Variants in DDX10 observed in about 807,000 individuals in gnomAD.
DDX10 encodes probable ATP-dependent RNA helicase DDX10.
A neutral mutation model predicts 104.3 loss-of-function variants in DDX10; 74 were observed. That is an observed-to-expected ratio of 0.71 (90% CI 0.59 to 0.86). The LOEUF is 0.86. Among genes scored for constraint, DDX10 ranks in the 40% least tolerant of loss-of-function variants. The pLI is 0.00. For synonymous variants in DDX10, 351 were observed against 353.4 expected (o/e 0.99, Z 0.08); for missense variants, 952 against 1,040.0 (o/e 0.92, Z 1.16).
chr11:108,699,794 T>TA (rs1173813204), intron 9 of DDX10, among the ~76,000 whole-genome samples: 3 of 152,132 alleles, frequency 2.0e-5, no homozygotes, highest in Admixed American at 2.0e-4. Context: ...ATTTCAAGGA[T>TA]AAAAACAATC....
rs577909627 is a variant in DDX10 at position 108,909,483 on chromosome 11, C to T, written c.2305-8390C>T. ...GCCCCTTCCCTTGTCCTGTGCCCTA[C>T]TCCCGCCCCTTCCCTTGTCCTGTGC... is the stretch of plus-strand genomic sequence containing the variant. On this transcript the variant is annotated intron_variant, in intron 16 of 17. Coordinates refer to ENST00000322536, the MANE Select transcript of DDX10 (RefSeq NM_004398.4). Among the ~76,000 whole-genome samples the T allele has an allele frequency of 1.1e-4, 17 of 151,388 alleles. No individual in the cohort carries two copies. In the South Asian group the frequency reaches 3.4e-3, roughly 30 times the overall value.
intron 16 of DDX10, among the ~76,000 whole-genome samples, chr11:108,882,662 A>C (rs556002128): frequency 2.6e-5 from 4 of 152,146 alleles, no homozygotes; most frequent in African/African-American, 7.2e-5. Flanking sequence ...AAATTTATTT[A>C]TTTTCATTGA....
chr11:108,791,133 C>T (rs1393793153), intron 13 of DDX10, among the ~76,000 whole-genome samples: 1 of 152,220 alleles, frequency 6.6e-6, no homozygotes, highest in Non-Finnish European at 1.5e-5. Flanking sequence ...TAAAAAGTGT[C>T]TTGGCTTCTG....
At chr11:108,917,500 C>A (rs561034881) in intron 16 of DDX10, among the ~76,000 whole-genome samples, 76 of 152,234 alleles carry the variant, frequency 5.0e-4, no homozygotes, top group Admixed American at 3.5e-3. Flanking sequence ...CTCCTGGGCT[C>A]AAGCAATTCC....
intron 13 of DDX10, among the ~76,000 whole-genome samples, chr11:108,821,122 AAAG>A (rs1862320696): frequency 6.6e-6 from 1 of 152,202 alleles, no homozygotes; most frequent in Non-Finnish European, 1.5e-5. Flanking sequence ...GGATGAAGTA[AAAG>A]AAGATTTTAA....
intron 13 of DDX10, among the ~76,000 whole-genome samples, chr11:108,824,582 T>G (rs1242460294): frequency 6.6e-6 from 1 of 152,204 alleles, no homozygotes; most frequent in African/African-American, 2.4e-5. Flanking sequence ...AAATCAATAC[T>G]GTCATTTTTT....
In DDX10 at chr11:108,801,289, A is replaced by G. The variant is rs528250370; in HGVS notation, c.1966-37157A>G. ...TGTGACGAGAAATGACAGGTTTGAT[A>G]TTTTGTAAACTGCCATAGAATCAGC... On this transcript the variant is annotated intron_variant, in intron 13 of 17. Coordinates refer to ENST00000322536, the MANE Select transcript of DDX10 (RefSeq NM_004398.4). 7.2e-5 allele frequency among the ~76,000 whole-genome samples: 11 copies of G among 152,328 alleles called. No individual in the cohort carries two copies. In the South Asian group the frequency reaches 2.3e-3, roughly 32 times the overall value.
chr11:108,794,942 C>T (rs781544875), intron 13 of DDX10, among the ~76,000 whole-genome samples: 5 of 151,780 alleles, frequency 3.3e-5, no homozygotes, highest in South Asian at 2.1e-4. Context: ...ATTCTCCTGC[C>T]TTAGCCTCCC....
In DDX10 at chr11:108,916,733, T is replaced by G. The variant is rs558904922; in HGVS notation, c.2305-1140T>G. Among the ~76,000 whole-genome samples the G allele has an allele frequency of 6.4e-4, 97 of 152,326 alleles. 2 individuals are homozygous for G. The South Asian group carries it at 0.02, about 31-fold the overall frequency. On this transcript the variant is annotated intron_variant, in intron 16 of 17. Transcript: ENST00000322536. ...TTAAATGCATGTGCCACTGCTTGTT[T>G]CGGTTTATCTGGTAGTTGACAAAAC...
chr11:108,937,636 C>T (rs1335454038), intron 17 of DDX10, among the ~76,000 whole-genome samples: 1 of 152,186 alleles, frequency 6.6e-6, no homozygotes, highest in African/African-American at 2.4e-5. Context: ...ATTTCCCTGT[C>T]ATCATCTGTT....
intron 16 of DDX10, among the ~76,000 whole-genome samples, chr11:108,898,158 C>G (rs1167180925): frequency 1.3e-5 from 2 of 152,118 alleles, no homozygotes; most frequent in African/African-American, 4.8e-5. Context: ...ATCACAGACC[C>G]ATTAATCCAT....
At chr11:108,776,253 C>G (rs984427881) in intron 13 of DDX10, among the ~76,000 whole-genome samples, 1 of 152,168 alleles carries the variant, frequency 6.6e-6, no homozygotes, top group Non-Finnish European at 1.5e-5. Context: ...TCTGTTCTTT[C>G]TTCGAACTGT....
chr11:108,692,107 T>C (rs531615501), intron 8 of DDX10, 69 bp downstream of exon 8: 1 of 1,410,938 alleles, frequency 7.1e-7, no homozygotes, highest in African/African-American at 1.4e-5. Flanking sequence ...AAGTATATTT[T>C]GGGAAATCTG....
At chr11:108,873,352 A>G (rs1863107457) in intron 16 of DDX10, among the ~76,000 whole-genome samples, 1 of 152,154 alleles carries the variant, frequency 6.6e-6, no homozygotes, top group South Asian at 2.1e-4. Context: ...CTTGGGAACA[A>G]AAGTTACAAT....
At chr11:108,785,156 G>A (rs1466911867) in intron 13 of DDX10, among the ~76,000 whole-genome samples, 2 of 151,964 alleles carry the variant, frequency 1.3e-5, no homozygotes, top group Non-Finnish European at 2.9e-5. Context: ...TTATCAAAAG[G>A]TAAATTTTCT....
At chr11:108,666,405 G>C (rs192332894) in intron 1 of DDX10, among the ~76,000 whole-genome samples, 1 of 152,242 alleles carries the variant, frequency 6.6e-6, no homozygotes, top group Non-Finnish European at 1.5e-5. Context: ...GCTTGAACCC[G>C]GGAGGCAGAG....
In DDX10 at chr11:108,715,898, A is replaced by G; in HGVS notation, c.1342A>G (p.Ile448Val). 3 of 1,538,132 alleles carry G rather than the reference A, an allele frequency of 2.0e-6. No individual in the cohort carries two copies. The highest frequency in any genetic ancestry group is 2.3e-5 in the East Asian group (1 of 44,414). The change falls in exon 11 of 18, where the codon ATA (isoleucine) becomes GTA (valine). Residue 448 changes from isoleucine (I) to valine (V), a missense_variant. Ile to Val is a conservative substitution (Grantham distance 29, BLOSUM62 3). Transcript: ENST00000322536. ...KEIKINPEKL[I>V]DVQKKLESIL... ...ACAAAGAATCAATCCAGAAAAACTT[A>G]TAGATGTCCAGAAAAAATTGGAATC...
chr11:108,902,540 T>C (rs887756137), intron 16 of DDX10, among the ~76,000 whole-genome samples: 2 of 152,230 alleles, frequency 1.3e-5, no homozygotes, highest in East Asian at 1.9e-4. Flanking sequence ...GTAATGGGAA[T>C]ATTAACACTT....
At chr11:108,717,395 C>T (rs1235795226) in intron 11 of DDX10, among the ~76,000 whole-genome samples, 4 of 152,158 alleles carry the variant, frequency 2.6e-5, no homozygotes, top group East Asian at 1.9e-4. Context: ...TCGCAACCTC[C>T]GCCTCCCGGG....
Sources: gnomAD v4.1 joint callset for allele counts (sites outside exome capture counted in the v4.1 genomes callset) on GRCh38, gnomAD v4.1.1 for gene constraint, MANE v1.5 for transcripts, NCBI Gene and HGNC (gene_info 2026-07-23, HGNC 2026-07-21) for gene names.